Variants in ADD2 observed in about 807,000 individuals in gnomAD.
ADD2 encodes beta-adducin.
Under a neutral mutation model 83.0 loss-of-function variants are expected in ADD2, and 23 were observed. The ratio of observed to expected loss-of-function variants is 0.28; its 90% CI spans 0.20 to 0.39. The LOEUF (loss-of-function observed/expected upper bound fraction) is 0.39. ADD2 is among the 10% of genes least tolerant of loss of function. The pLI, the probability that ADD2 is intolerant of heterozygous loss-of-function variation, is 1.00. For synonymous variants in ADD2, 375 were observed against 375.4 expected (o/e 1.00, Z 0.01); for missense variants, 758 against 944.9 (o/e 0.80, Z 2.59).
intron 10 of ADD2, among the ~76,000 whole-genome samples, chr2:70,682,371 C>T (rs544145777): frequency 1.3e-5 from 2 of 152,314 alleles, no homozygotes; most frequent in South Asian, 4.1e-4. Flanking sequence ...GATTACTCAG[C>T]ATACAAATGT....
chr2:70,676,720 G>A lies in ADD2; in HGVS notation c.1593+76C>T. The A allele has an allele frequency of 6.3e-7, 1 of 1,597,578 alleles. No individual in the cohort carries two copies. The highest frequency in any genetic ancestry group is 8.5e-7 in the Non-Finnish European group (1 of 1,171,104). ...GTGGGTATGAGGACTCAGGGGTCCT[G>A]CAACCCAGCCCCAGGCACAGAAGAC... On this transcript the variant is annotated intron_variant, in intron 13 of 15. Coordinates refer to ENST00000264436, the MANE Select transcript of ADD2 (RefSeq NM_001617.4). This position sits in a 1 kb window ranked among gnomAD's most constrained non-coding sequence, Gnocchi z 4.8.
At chr2:70,670,206 C>A (rs1669842740) in intron 15 of ADD2, among the ~76,000 whole-genome samples, 1 of 152,202 alleles carries the variant, frequency 6.6e-6, no homozygotes, top group Non-Finnish European at 1.5e-5. Context: ...TTAGCTCTCA[C>A]AATTTGGAGA....
intron 1 of ADD2, chr2:70,717,833 T>C (rs3755363): frequency 0.32 from 49,188 of 152,146 alleles, 8,964 homozygotes; most frequent in African/African-American, 0.51. Flanking sequence ...ATGCCTCTGG[T>C]GGGTGGGATT....
At chr2:70,671,325 G>C (rs1380367996) in intron 15 of ADD2, among the ~76,000 whole-genome samples, 1 of 152,132 alleles carries the variant, frequency 6.6e-6, no homozygotes, top group Non-Finnish European at 1.5e-5. Flanking sequence ...GTGTGTGCCT[G>C]TGTGTTTGTG....
chr2:70,701,475 C>T (rs1211172403), intron 4 of ADD2, among the ~76,000 whole-genome samples: 2 of 152,090 alleles, frequency 1.3e-5, no homozygotes, highest in Non-Finnish European at 2.9e-5. Context: ...GATAATTAAT[C>T]TATTATTAAA....
Position 70,676,919 on chromosome 2 carries a change from C to T in ADD2, c.1504-34G>A. On this transcript the variant is annotated intron_variant, in intron 12 of 15. Coordinates refer to ENST00000264436, the MANE Select transcript of ADD2 (RefSeq NM_001617.4). The surrounding 1 kb of genome is among the most constrained non-coding windows in gnomAD (Gnocchi z 4.8). ...AAAGGGGAGAGGAAGAGTGAGCTGG[C>T]TGTTCAGGGTCAGCGTGGAGTTTGG... is the stretch of plus-strand genomic sequence containing the variant. 1 of 1,603,820 alleles carries T rather than the reference C, an allele frequency of 6.2e-7. No homozygotes were observed. The highest frequency in any genetic ancestry group is 8.5e-7 in the Non-Finnish European group (1 of 1,172,808).
chr2:70,679,464 T>G (rs1443259261), intron 10 of ADD2, among the ~76,000 whole-genome samples: 1 of 152,080 alleles, frequency 6.6e-6, no homozygotes, highest in African/African-American at 2.4e-5. Flanking sequence ...CTTAACAATT[T>G]CCTTCTAGGA....
At chr2:70,757,734 C>G (rs1674870965) in intron 1 of ADD2, among the ~76,000 whole-genome samples, 1 of 152,034 alleles carries the variant, frequency 6.6e-6, no homozygotes, top group South Asian at 2.1e-4. Flanking sequence ...AAAGTAAACC[C>G]CTAGATATTC....
intron 1 of ADD2, among the ~76,000 whole-genome samples, chr2:70,765,086 C>A (rs185077544): frequency 2.2e-4 from 33 of 152,148 alleles, no homozygotes; most frequent in Admixed American, 2.0e-3. Flanking sequence ...GGCAAAGTGG[C>A]TCACACTTGT....
intron 4 of ADD2, among the ~76,000 whole-genome samples, chr2:70,699,763 G>A (rs928353166): frequency 2.0e-5 from 3 of 152,082 alleles, no homozygotes; most frequent in Admixed American, 2.0e-4. Context: ...CTAGGAGACA[G>A]GGCAAGATCC....
intron 15 of ADD2, among the ~76,000 whole-genome samples, chr2:70,671,035 C>G (rs1257252617): frequency 1.3e-5 from 2 of 152,164 alleles, no homozygotes; most frequent in African/African-American, 4.8e-5. Flanking sequence ...GGCCCTTGTC[C>G]CACTCCTCCA....
intron 15 of ADD2, among the ~76,000 whole-genome samples, chr2:70,669,248 C>T (rs1045511717): frequency 6.6e-5 from 10 of 152,144 alleles, no homozygotes; most frequent in African/African-American, 9.7e-5. Context: ...CTCAAACATC[C>T]GTGTCTGAAA....
intron 4 of ADD2, 75 bp downstream of exon 4, chr2:70,704,246 G>C: frequency 6.8e-7 from 1 of 1,471,592 alleles, no homozygotes. Flanking sequence ...GATGCTTCTT[G>C]CTGCTCCTCC....
At chr2:70,759,521 C>G (rs1468642347) in intron 1 of ADD2, among the ~76,000 whole-genome samples, 1 of 152,088 alleles carries the variant, frequency 6.6e-6, no homozygotes, top group African/African-American at 2.4e-5. Flanking sequence ...GTGTTTGGGT[C>G]ATGGTGGTGG....
At chr2:70,755,830 G>A (rs1553383736) in intron 1 of ADD2, among the ~76,000 whole-genome samples, 1 of 152,100 alleles carries the variant, frequency 6.6e-6, no homozygotes. Flanking sequence ...GGAGGCCGAG[G>A]TGGGCAGATC....
At chr2:70,737,507 T>C (rs1477758148) in intron 1 of ADD2, among the ~76,000 whole-genome samples, 4 of 139,566 alleles carry the variant, frequency 2.9e-5, no homozygotes, top group African/African-American at 5.4e-5. Context: ...TTCTCACTCA[T>C]AGGTGGGAAT....
At chr2:70,756,315 G>A (rs370502431) in intron 1 of ADD2, among the ~76,000 whole-genome samples, 1 of 152,250 alleles carries the variant, frequency 6.6e-6, no homozygotes, top group African/African-American at 2.4e-5. Flanking sequence ...TGCACACACT[G>A]CAGGAGAGAA....
chr2:70,666,475 C>T (rs1020605477), intron 15 of ADD2, among the ~76,000 whole-genome samples: 1 of 152,184 alleles, frequency 6.6e-6, no homozygotes, highest in Non-Finnish European at 1.5e-5. Context: ...CAAACTAGAC[C>T]CTCACTGCAG....
chr2:70,688,593 T>C (rs1670863398), intron 8 of ADD2, among the ~76,000 whole-genome samples: 1 of 152,184 alleles, frequency 6.6e-6, no homozygotes, highest in Non-Finnish European at 1.5e-5. Flanking sequence ...TGTGACTTAG[T>C]TGACGTGGGA....
Sources: allele counts gnomAD v4.1 joint callset (sites outside exome capture counted in the v4.1 genomes callset), GRCh38; gene constraint gnomAD v4.1.1; non-coding constraint Gnocchi (gnomAD v3.1); transcripts MANE v1.5; gene names NCBI Gene and HGNC (gene_info 2026-07-23, HGNC 2026-07-21).